RGL2: variants seen among roughly 807,000 people sequenced by gnomAD.
RGL2 encodes the protein ral guanine nucleotide dissociation stimulator like 2.
A neutral mutation model predicts 84.6 loss-of-function variants in RGL2; 40 were observed. The observed-to-expected ratio is 0.47, with a 90% CI of 0.37 to 0.62. The LOEUF (loss-of-function observed/expected upper bound fraction) is 0.62, where lower values mean the gene tolerates loss of function less well. Among genes scored for constraint, RGL2 ranks in the 20% least tolerant of loss-of-function variants. The pLI, the probability that RGL2 is intolerant of heterozygous loss-of-function variation, is 0.00. For synonymous variants in RGL2, 369 were observed against 417.3 expected (o/e 0.88, Z 1.41); for missense variants, 865 against 1,019.7 (o/e 0.85, Z 2.07).
Position 33,293,246 on chromosome 6 carries a change from G to A in RGL2, c.1777C>T (p.His593Tyr). The A allele has an allele frequency of 6.4e-7, 1 of 1,554,198 alleles. No homozygotes were observed. Among genetic ancestry groups the A allele is most frequent in the Non-Finnish European group, 8.7e-7 (1 of 1,152,176 alleles). Residue 593 changes from histidine to tyrosine, a missense_variant, in exon 16 of 18, where the codon CAC becomes TAC. Around this residue, in one of 5 missense-constraint regions of RGL2, gnomAD observed 302 missense variants for 327.9 expected, o/e 0.92. Transcript: ENST00000497454. The surrounding 1 kb of genome is among the most constrained non-coding windows in gnomAD (Gnocchi z 7.0). ...DSALESSPSL[H>Y]SPADPSHLSP... is the part of the protein sequence containing the mutation. ...AGGTGGCTGGGGTCAGCTGGACTGTGCAGGGATGGACTGCTTTCCAAGGCA... is the reference window on the plus strand; with the variant it reads ...AGGTGGCTGGGGTCAGCTGGACTGTACAGGGATGGACTGCTTTCCAAGGCA...
At position 33,298,239 on chromosome 6, in the gene RGL2, AG is replaced by A. The variant is rs1768198003; in HGVS notation, c.156+215del. On this transcript the variant is annotated intron_variant, in intron 2 of 17. Coordinates refer to ENST00000497454, the MANE Select transcript of RGL2 (RefSeq NM_004761.5). This position sits in a 1 kb window ranked among gnomAD's most constrained non-coding sequence, Gnocchi z 4.8. ...GGACAGCCAGCCAGAAGTTCCAGGC[AG>A]GAACAGGGCAGGTTCCTGCGGGCAG... 2.1e-6 allele frequency: 1 copy of A among 479,412 alleles called. No homozygotes were observed. The highest frequency in any genetic ancestry group is 3.8e-6 in the Non-Finnish European group (1 of 263,104). The allele number at this position is 479,412 out of a possible 1,614,324, so 29.7% of individuals were successfully genotyped here.
chr6:33,295,232 G>A lies in RGL2; in HGVS notation c.1125-21C>T. The A allele has an allele frequency of 1.9e-6, 3 of 1,588,386 alleles. No homozygotes were observed. The highest frequency in any genetic ancestry group is 2.3e-5 in the East Asian group (1 of 44,006). On this transcript the variant is annotated intron_variant, in intron 8 of 17. Transcript: ENST00000497454. This position sits in a 1 kb window ranked among gnomAD's most constrained non-coding sequence, Gnocchi z 7.2. ...TGTCCCTGGGGAAGGGAGAAAAGTGGCCCTGAGGACAGGCCTGGCTCTGTC... is the reference window on the plus strand; with the variant it reads ...TGTCCCTGGGGAAGGGAGAAAAGTGACCCTGAGGACAGGCCTGGCTCTGTC...
chr6:33,296,926 C>T lies in RGL2; in HGVS notation c.240+106G>A. ...CTTGGCCTATGTCACACAGCAGAGTCCAGGACTCCAGAACTCCAACCTAGC... is the reference window on the plus strand; with the variant it reads ...CTTGGCCTATGTCACACAGCAGAGTTCAGGACTCCAGAACTCCAACCTAGC... On this transcript the variant is annotated intron_variant, in intron 3 of 17. Coordinates refer to ENST00000497454, the MANE Select transcript of RGL2 (RefSeq NM_004761.5). This position sits in a 1 kb window ranked among gnomAD's most constrained non-coding sequence, Gnocchi z 5.0. The T allele has an allele frequency of 2.0e-6, 3 of 1,476,344 alleles. No individual in the cohort carries two copies. The highest frequency in any genetic ancestry group is 2.8e-6 in the Non-Finnish European group (3 of 1,055,578). 91.5% of individuals were successfully genotyped at this position (1,476,344 alleles called of 1,614,324 possible). A position where few individuals can be genotyped will look rare whatever the true frequency, so the allele number is the denominator to read the frequency against.
intron 17 of RGL2, 50 bp downstream of exon 17, chr6:33,292,380 G>T: frequency 6.2e-7 from 1 of 1,608,596 alleles, no homozygotes; most frequent in Non-Finnish European, 8.5e-7. Context: ...CCCAGATGTG[G>T]AAGTACTCCA....
At position 33,294,176 on chromosome 6, in the gene RGL2, TC is replaced by T. The variant is rs982794138; in HGVS notation, c.1354-111del. On this transcript the variant is annotated intron_variant, in intron 11 of 17. Transcript: ENST00000497454. The surrounding 1 kb of genome is among the most constrained non-coding windows in gnomAD (Gnocchi z 5.0). ...CAGCCACATCCAACTCACAACCACT[TC>T]CCTCCAGCCTCTCTGACTCTTCGAT... is the stretch of plus-strand genomic sequence containing the variant. 20 of 1,314,900 alleles carry T rather than the reference TC, an allele frequency of 1.5e-5. No individual in the cohort carries two copies. Among genetic ancestry groups the T allele is most frequent in the Non-Finnish European group, 1.6e-5 (15 of 945,826 alleles). The allele number at this position is 1,314,900 out of a possible 1,614,324, so 81.5% of individuals were successfully genotyped here. A position where few individuals can be genotyped will look rare whatever the true frequency, so the allele number is the denominator to read the frequency against.
At chr6:33,299,780 C>G (rs1768407698), upstream of RGL2, 1 of 152,364 alleles carries the variant, frequency 6.6e-6, no homozygotes, top group Non-Finnish European at 1.5e-5. This position sits in a 1 kb window ranked among gnomAD's most constrained non-coding sequence, Gnocchi z 5.0. Context: ...CTCGGAGATC[C>G]CTGAGCTGCG....
chr6:33,291,891 T>C lies in RGL2; in HGVS notation c.*211A>G. 3 of 613,308 alleles carry C rather than the reference T, an allele frequency of 4.9e-6. No homozygotes were observed. Among genetic ancestry groups the C allele is most frequent in the Non-Finnish European group, 5.8e-6 (2 of 345,936 alleles). The allele number at this position is 613,308 out of a possible 1,614,324, so 38.0% of individuals were successfully genotyped here. ...TGCACTCATGGAAGGTGGGAAGCTA[T>C]ACACAGGTATCCAACTTGGTTATAA... is the stretch of plus-strand genomic sequence containing the variant. On this transcript the variant is annotated 3_prime_UTR_variant, in exon 18 of 18. Coordinates refer to ENST00000497454, the MANE Select transcript of RGL2 (RefSeq NM_004761.5).
In RGL2 at chr6:33,298,660, A is replaced by C; in HGVS notation, c.-41-9T>G. On this transcript the variant is annotated splice_polypyrimidine_tract_variant and intron_variant, in intron 1 of 17. Transcript: ENST00000497454. This position sits in a 1 kb window ranked among gnomAD's most constrained non-coding sequence, Gnocchi z 4.8. ...TCGGGCCATGGGGGCGCCTGGGGAG[A>C]GACGGGGTGGGGTGGGGGTGGAGAG... 2.0e-6 allele frequency: 2 copies of C among 979,196 alleles called. No individual in the cohort carries two copies. Among genetic ancestry groups the C allele is most frequent in the Non-Finnish European group, 2.8e-6 (2 of 719,492 alleles). The allele number at this position is 979,196 out of a possible 1,614,324, so 60.7% of individuals were successfully genotyped here. A position where few individuals can be genotyped will look rare whatever the true frequency, so the allele number is the denominator to read the frequency against.
In RGL2 at chr6:33,296,471, G is replaced by C; in HGVS notation, c.420-7C>G. 1 of 1,604,718 alleles carries C rather than the reference G, an allele frequency of 6.2e-7. No individual in the cohort carries two copies. The highest frequency in any genetic ancestry group is 8.5e-7 in the Non-Finnish European group (1 of 1,175,454). On this transcript the variant is annotated splice_region_variant and splice_polypyrimidine_tract_variant and intron_variant, in intron 4 of 17. Coordinates refer to ENST00000497454, the MANE Select transcript of RGL2 (RefSeq NM_004761.5). This position sits in a 1 kb window ranked among gnomAD's most constrained non-coding sequence, Gnocchi z 5.0. ...AGATTCAAGGGCTTCCAGCCTGAGG[G>C]GGAGAAGAGGATCTATCTGTCCATT...
chr6:33,292,987 A>G (rs1178770350), intron 16 of RGL2, 29 bp downstream of exon 16: 1 of 1,613,330 alleles, frequency 6.2e-7, no homozygotes, highest in East Asian at 2.2e-5. Flanking sequence ...ACCATCCTTC[A>G]CCCCAACTCC....
upstream of RGL2, chr6:33,301,428 A>G (rs1208851970): frequency 3.3e-6 from 1 of 303,378 alleles, no homozygotes; most frequent in African/African-American, 2.2e-5. Flanking sequence ...ACAAAAATTC[A>G]CTGGGTGTGG....
upstream of RGL2, chr6:33,301,086 A>G (rs923241545): frequency 2.0e-5 from 3 of 152,108 alleles, no homozygotes; most frequent in Non-Finnish European, 4.4e-5. Context: ...ATGTGTGCCT[A>G]TGTATTCTCG....
chr6:33,293,706 T>A lies in RGL2; in HGVS notation c.1509-7A>T. ...CTCACAGGATACACGATGGCTGGGT[T>A]AGGGGGGCAATAGGCAGAGCTCAGG... On this transcript the variant is annotated splice_region_variant and splice_polypyrimidine_tract_variant and intron_variant, in intron 13 of 17. Transcript: ENST00000497454. The surrounding 1 kb of genome is among the most constrained non-coding windows in gnomAD (Gnocchi z 7.0). The A allele has an allele frequency of 6.2e-7, 1 of 1,613,872 alleles. No individual in the cohort carries two copies. Among genetic ancestry groups the A allele is most frequent in the Non-Finnish European group, 8.5e-7 (1 of 1,179,898 alleles).
upstream of RGL2, chr6:33,301,573 CAAAA>C (rs11350807): frequency 2.0e-3 from 837 of 423,702 alleles, no homozygotes; most frequent in Non-Finnish European, 2.1e-3. Context: ...GACTCCGTCT[CAAAA>C]AAAAAAAAAA....
Position 33,295,729 on chromosome 6 carries a change from A to G in RGL2, c.799T>C (p.Cys267Arg). 1.2e-6 allele frequency: 2 copies of G among 1,613,808 alleles called. No individual in the cohort carries two copies. Among genetic ancestry groups the G allele is most frequent in the Non-Finnish European group, 1.7e-6 (2 of 1,180,012 alleles). ...CTGTGACCCCACAGGCCTCCCAGGC[A>G]CTGAGAGGGGATCAAATTGAGAAAA... ...ELFLNLIPSQCLGGLWGHRDR... is the reference protein window; with the variant it reads ...ELFLNLIPSQRLGGLWGHRDR... Residue 267 changes from cysteine to arginine, a missense_variant, in exon 7 of 18, where the codon TGC (cysteine) becomes CGC (arginine). Cys to Arg is a radical substitution (Grantham distance 180). Coordinates refer to ENST00000497454, the MANE Select transcript of RGL2 (RefSeq NM_004761.5). This position sits in a 1 kb window ranked among gnomAD's most constrained non-coding sequence, Gnocchi z 7.2.
chr6:33,295,426 T>TG lies in RGL2; in HGVS notation c.1021-5dup. On this transcript the variant is annotated splice_polypyrimidine_tract_variant and splice_region_variant and intron_variant, in intron 7 of 17. Coordinates refer to ENST00000497454, the MANE Select transcript of RGL2 (RefSeq NM_004761.5). This position sits in a 1 kb window ranked among gnomAD's most constrained non-coding sequence, Gnocchi z 7.2. ...AGTTTCGGAGCAGCCGGCACTCCTG[T>TG]GGGGGTCAAAGAAGAGAGCTAAGGC... 6.2e-7 allele frequency: 1 copy of TG among 1,612,832 alleles called. No homozygotes were observed. Among genetic ancestry groups the TG allele is most frequent in the African/African-American group, 1.3e-5 (1 of 75,050 alleles).
At position 33,294,928 on chromosome 6, in the gene RGL2, C is replaced by A. The variant is rs771430521; in HGVS notation, c.1278+49G>T. ...CTGCTCCCCCAAAACATACTCCTCACCCCTTCATAATCACCACCCCCACGC... is the reference window on the plus strand; with the variant it reads ...CTGCTCCCCCAAAACATACTCCTCAACCCTTCATAATCACCACCCCCACGC... On this transcript the variant is annotated intron_variant, in intron 10 of 17. Transcript: ENST00000497454. This position sits in a 1 kb window ranked among gnomAD's most constrained non-coding sequence, Gnocchi z 5.0. 9 of 1,541,574 alleles carry A rather than the reference C, an allele frequency of 5.8e-6. No individual in the cohort carries two copies. In the African/African-American group the frequency reaches 1.2e-4, roughly 21 times the overall value.
rs1768152983 is a variant in RGL2 at position 33,297,949 on chromosome 6, G to A, written c.156+506C>T. On this transcript the variant is annotated intron_variant, in intron 2 of 17. Coordinates refer to ENST00000497454, the MANE Select transcript of RGL2 (RefSeq NM_004761.5). This position sits in a 1 kb window ranked among gnomAD's most constrained non-coding sequence, Gnocchi z 4.0. ...TACCCACCCTAGGATCTTTCCTCCA[G>A]GTCCCAGAACCGTGGCTTCCCGGCC... is the stretch of plus-strand genomic sequence containing the variant. 1 of 148,798 alleles carries A rather than the reference G, an allele frequency of 6.7e-6. No homozygotes were observed. Among genetic ancestry groups the A allele is most frequent in the African/African-American group, 2.5e-5 (1 of 40,588 alleles). The allele number at this position is 148,798 out of a possible 1,614,324, so 9.2% of individuals were successfully genotyped here. A position where few individuals can be genotyped will look rare whatever the true frequency, so the allele number is the denominator to read the frequency against.
At position 33,292,068 on chromosome 6, in the gene RGL2, A is replaced by G. The variant is rs753703708; in HGVS notation, c.*34T>C. The G allele has an allele frequency of 1.2e-6, 2 of 1,609,624 alleles. No individual in the cohort carries two copies. Among genetic ancestry groups the G allele is most frequent in the East Asian group, 4.5e-5 (2 of 44,870 alleles). ...ATGGCTACCCACATCTGGTATGAAC[A>G]CCATGACTTCTGTAAGCCAACGGGG... On this transcript the variant is annotated 3_prime_UTR_variant, in exon 18 of 18. Transcript: ENST00000497454.
Sources: allele counts gnomAD v4.1 joint callset, GRCh38; gene constraint gnomAD v4.1.1; regional missense constraint gnomAD v4.1.1; non-coding constraint Gnocchi (gnomAD v3.1); transcripts MANE v1.5; gene names NCBI Gene and HGNC (gene_info 2026-07-23, HGNC 2026-07-21).